NTRK2: variants seen among roughly 807,000 people sequenced by gnomAD.
NTRK2 encodes BDNF/NT-3 growth factors receptor.
NTRK2 carries 13 observed loss-of-function variants against 94.5 expected under a neutral mutation model. That is an observed-to-expected ratio of 0.14 (90% CI 0.09 to 0.22). The LOEUF (loss-of-function observed/expected upper bound fraction) is 0.22, where lower values mean the gene tolerates loss of function less well. Ranked by LOEUF, NTRK2 falls within the 10% of genes least tolerant of loss-of-function variation. The pLI is 1.00. For missense variants in NTRK2, 639 were observed against 1,071.2 expected (o/e 0.60, Z 5.63); for synonymous variants, 372 against 407.4 (o/e 0.91, Z 1.05).
intron 17 of NTRK2, among the ~76,000 whole-genome samples, chr9:84,976,030 G>A (rs1826811746): frequency 6.6e-6 from 1 of 152,134 alleles, no homozygotes; most frequent in East Asian, 1.9e-4. Context: ...GAAGGACATA[G>A]CTAGCCTATG....
intron 9 of NTRK2, among the ~76,000 whole-genome samples, chr9:84,729,224 T>C (rs1366204052): frequency 6.6e-6 from 1 of 152,240 alleles, no homozygotes; most frequent in African/African-American, 2.4e-5. Context: ...TAGACCTCTT[T>C]TTAAATGCAC....
chr9:84,689,859 C>A (rs979649206), intron 2 of NTRK2, among the ~76,000 whole-genome samples: 2 of 152,158 alleles, frequency 1.3e-5, no homozygotes, highest in Non-Finnish European at 2.9e-5. Flanking sequence ...GTTCTAGGTA[C>A]CTCAAAAATG....
intron 17 of NTRK2, among the ~76,000 whole-genome samples, chr9:84,994,213 A>G (rs1829449139): frequency 6.6e-6 from 1 of 152,158 alleles, no homozygotes; most frequent in Non-Finnish European, 1.5e-5. Context: ...CACATTTATT[A>G]CATGTGTAAT....
chr9:84,678,533 G>A (rs1456199933), intron 2 of NTRK2, among the ~76,000 whole-genome samples: 1 of 152,158 alleles, frequency 6.6e-6, no homozygotes, highest in Non-Finnish European at 1.5e-5. Context: ...TGGCAGAGGG[G>A]CCTATGCCTG....
At chr9:84,958,327 TA>T (rs1824431019) in intron 17 of NTRK2, among the ~76,000 whole-genome samples, 1 of 152,176 alleles carries the variant, frequency 6.6e-6, no homozygotes, top group Non-Finnish European at 1.5e-5. Flanking sequence ...ATTATGAACA[TA>T]AGAAATTAAT....
At chr9:84,863,958 G>A (rs144326345) in intron 13 of NTRK2, among the ~76,000 whole-genome samples, 2 of 152,276 alleles carry the variant, frequency 1.3e-5, no homozygotes, top group African/African-American at 4.8e-5. Flanking sequence ...CATTGGAGTT[G>A]GGGGGTTTAA....
At chr9:84,969,324 C>T (rs1337146949) in intron 17 of NTRK2, among the ~76,000 whole-genome samples, 1 of 152,234 alleles carries the variant, frequency 6.6e-6, no homozygotes, top group East Asian at 1.9e-4. Context: ...TATGTATTTG[C>T]CTGAGCATGA....
At chr9:84,769,255 T>C (rs1195369695) in intron 12 of NTRK2, among the ~76,000 whole-genome samples, 1 of 152,170 alleles carries the variant, frequency 6.6e-6, no homozygotes, top group South Asian at 2.1e-4. Context: ...AACAAATTAA[T>C]TGCATGTGTT....
At chr9:84,673,872 C>T (rs2058858039) in intron 2 of NTRK2, among the ~76,000 whole-genome samples, 1 of 152,208 alleles carries the variant, frequency 6.6e-6, no homozygotes, top group South Asian at 2.1e-4. Flanking sequence ...CTCAACATCA[C>T]ACTGCTAAGT....
intron 14 of NTRK2, among the ~76,000 whole-genome samples, chr9:84,894,735 T>C (rs1305954501): frequency 1.3e-5 from 2 of 152,236 alleles, no homozygotes; most frequent in Admixed American, 6.5e-5. Context: ...AATTGCCATA[T>C]GCATCTCTAA....
intron 14 of NTRK2, chr9:84,877,900 G>GT: frequency 2.4e-5 from 25 of 1,022,092 alleles, no homozygotes; most frequent in Non-Finnish European, 2.9e-5. Flanking sequence ...TGTCATATAT[G>GT]TGGTCTCTGT....
chr9:84,890,909 C>A (rs959314566), intron 14 of NTRK2, among the ~76,000 whole-genome samples: 1 of 152,200 alleles, frequency 6.6e-6, no homozygotes, highest in Non-Finnish European at 1.5e-5. Flanking sequence ...CTCTAAGGTG[C>A]TTTCTTCAAT....
chr9:84,915,453 TC>T (rs2077368026), intron 14 of NTRK2, among the ~76,000 whole-genome samples: 1 of 152,100 alleles, frequency 6.6e-6, no homozygotes, highest in Non-Finnish European at 1.5e-5. Context: ...TGGTGCCTCC[TC>T]CACTCTCTCT....
At chr9:84,789,781 C>T (rs1480893269) in intron 12 of NTRK2, among the ~76,000 whole-genome samples, 1 of 152,174 alleles carries the variant, frequency 6.6e-6, no homozygotes, top group Non-Finnish European at 1.5e-5. Context: ...TACCTTAACC[C>T]TAAGCTTTCT....
At chr9:84,713,669 G>A (rs1412963010) in intron 6 of NTRK2, among the ~76,000 whole-genome samples, 1 of 152,094 alleles carries the variant, frequency 6.6e-6, no homozygotes, top group Non-Finnish European at 1.5e-5. Flanking sequence ...GGAATTTGCT[G>A]AGTAAAAAAT....
chr9:84,818,084 G>GT (rs1384502118), intron 12 of NTRK2, among the ~76,000 whole-genome samples: 6 of 152,176 alleles, frequency 3.9e-5, no homozygotes, highest in Non-Finnish European at 8.8e-5. Context: ...TCAAACTTAA[G>GT]TGTTTCATGA....
chr9:84,702,526 T>A, intron 4 of NTRK2, 107 bp downstream of exon 4: 1 of 954,120 alleles, frequency 1.0e-6, no homozygotes, highest in Non-Finnish European at 1.7e-6. Flanking sequence ...TTTTTAAAGT[T>A]AGTATAGCTG....
intron 17 of NTRK2, among the ~76,000 whole-genome samples, chr9:84,960,436 GT>G (rs1196886004): frequency 6.6e-6 from 1 of 152,144 alleles, no homozygotes; most frequent in Non-Finnish European, 1.5e-5. Context: ...ATAATCAAGA[GT>G]TAACCATCAT....
chr9:84,941,626 T>C (rs1034920181), intron 15 of NTRK2, among the ~76,000 whole-genome samples: 7 of 152,216 alleles, frequency 4.6e-5, no homozygotes, highest in Non-Finnish European at 7.3e-5. Flanking sequence ...TGGTCTACCA[T>C]GATCCACCAG....
Sources: gnomAD v4.1 joint callset for allele counts (sites outside exome capture counted in the v4.1 genomes callset) on GRCh38, gnomAD v4.1.1 for gene constraint, MANE v1.5 for transcripts, NCBI Gene and HGNC (gene_info 2026-07-23, HGNC 2026-07-21) for gene names.